CTDSP1: variants seen among roughly 807,000 people sequenced by gnomAD.
CTDSP1 encodes carboxy-terminal domain RNA polymerase II polypeptide A small phosphatase 1.
Under a neutral mutation model 32.5 loss-of-function variants are expected in CTDSP1, and 15 were observed. The ratio of observed to expected loss-of-function variants is 0.46; its 90% CI spans 0.31 to 0.71. CTDSP1 has a LOEUF of 0.71. Among genes scored for constraint, CTDSP1 ranks in the 30% least tolerant of loss-of-function variants. The pLI, the probability that CTDSP1 is intolerant of heterozygous loss-of-function variation, is 0.05. For synonymous variants in CTDSP1, 185 were observed against 145.4 expected, an observed-to-expected ratio of 1.27 and a Z score of -1.96; for missense variants, 294 against 351.1, an observed-to-expected ratio of 0.84 and a Z score of 1.30.
chr2:218,399,565 C>T (rs1359995200), upstream of CTDSP1: 4 of 193,462 alleles, frequency 2.1e-5, no homozygotes, highest in Non-Finnish European at 2.8e-5. Flanking sequence ...GCGCCGCACT[C>T]GGGCACTCCC....
intron 1 of CTDSP1, 56 bp downstream of exon 1, chr2:218,400,213 G>A (rs1380656929): frequency 4.8e-5 from 71 of 1,477,786 alleles, no homozygotes; most frequent in Non-Finnish European, 6.2e-5. Context: ...GGAGAGAAGG[G>A]GCCGGGATCT....
rs778867292 is a variant in CTDSP1, at chr2:218,402,125, A to G, written c.231A>G (p.Gln77=). The G allele has an allele frequency of 4.3e-6, 7 of 1,613,130 alleles. No homozygotes were observed. Among genetic ancestry groups the G allele is most frequent in the Admixed American group, 1.7e-5 (1 of 59,988 alleles). Residue 77 remains glutamine (Q), a synonymous_variant, in exon 3 of 7, where the codon CAA becomes CAG. Transcript: ENST00000273062. ...CCTCCCTACAGCAGACCCCAGTCCAATACCTGCTCCCTGAGGCCAAGGCCC... is the reference window on the plus strand; with the variant it reads ...CCTCCCTACAGCAGACCCCAGTCCAGTACCTGCTCCCTGAGGCCAAGGCCC... The part of the protein sequence containing the change: ...NGAIPKQTPV[Q]YLLPEAKAQD...
intron 6 of CTDSP1, 189 bp downstream of exon 6, chr2:218,403,606 C>T: frequency 5.4e-6 from 3 of 550,748 alleles, no homozygotes; most frequent in Middle Eastern, 4.8e-4. Context: ...ATGGTCTTTT[C>T]CCCTCGCACA....
chr2:218,396,473 C>A (rs1049616329), upstream of CTDSP1: 1 of 152,428 alleles, frequency 6.6e-6, no homozygotes, highest in Non-Finnish European at 1.5e-5. Flanking sequence ...CCCCCGATTT[C>A]CTGGGGACCC....
upstream of CTDSP1, chr2:218,396,407 G>A (rs991415122): frequency 2.0e-5 from 3 of 152,432 alleles, no homozygotes; most frequent in African/African-American, 7.2e-5. Flanking sequence ...AGCGAGGAGA[G>A]GCCAACAGGC....
chr2:218,404,494 A>G lies in CTDSP1; in HGVS notation c.*69A>G. On this transcript the variant is annotated 3_prime_UTR_variant, in exon 7 of 7. Coordinates refer to ENST00000273062, the MANE Select transcript of CTDSP1 (RefSeq NM_021198.3). ...ACACCTCCTCCCAGGAAGACTGCCC[A>G]GGCCTTTGTTAGGAAAACCCATGGG... The G allele has an allele frequency of 6.3e-7, 1 of 1,583,528 alleles. No individual in the cohort carries two copies. The highest frequency in any genetic ancestry group is 8.6e-7 in the Non-Finnish European group (1 of 1,162,168).
At chr2:218,403,196 C>T (rs1001828632) in intron 5 of CTDSP1, 36 bp from the exon 6 acceptor site, 6 of 1,611,642 alleles carry the variant, frequency 3.7e-6, no homozygotes, top group Non-Finnish European at 5.1e-6. Context: ...CCCAATGAAC[C>T]TGCGGGCCCC....
At chr2:218,399,793 A>C, upstream of CTDSP1, 1 of 1,096,592 alleles carries the variant, frequency 9.1e-7, no homozygotes, top group Non-Finnish European at 1.1e-6. Context: ...CGAAAGCCGC[A>C]GCCGAGTCCA....
rs544658266 is a variant in CTDSP1 at position 218,405,571 on chromosome 2, G to A, written c.*1146G>A. ...TTCTGTGGGGTTTGGGGATCTCCAGGAAGCCCGACCAAGCTGTCCCCTTCC... is the reference window on the plus strand; with the variant it reads ...TTCTGTGGGGTTTGGGGATCTCCAGAAAGCCCGACCAAGCTGTCCCCTTCC... On this transcript the variant is annotated 3_prime_UTR_variant, in exon 7 of 7. Transcript: ENST00000273062. 1.3e-5 allele frequency: 2 copies of A among 153,128 alleles called. No homozygotes were observed. Among genetic ancestry groups the A allele is most frequent in the Admixed American group, 6.5e-5 (1 of 15,308 alleles). The allele number at this position is 153,128 out of a possible 1,614,324, so 9.5% of individuals were successfully genotyped here. A position where few individuals can be genotyped will look rare whatever the true frequency, so the allele number is the denominator to read the frequency against.
At chr2:218,402,267 C>T (rs760684567) in intron 3 of CTDSP1, 52 bp downstream of exon 3, 1 of 1,610,248 alleles carries the variant, frequency 6.2e-7, no homozygotes, top group Non-Finnish European at 8.5e-7. Context: ...CATCCCCCAC[C>T]CTGGCCTGGG....
intron 1 of CTDSP1, 186 bp downstream of exon 1, chr2:218,400,343 G>T: frequency 1.4e-6 from 1 of 709,258 alleles, no homozygotes; most frequent in Non-Finnish European, 2.5e-6. Flanking sequence ...ACGCGGGGCG[G>T]GGCCTGGCGC....
chr2:218,397,602 C>A (rs552207733), upstream of CTDSP1, among the ~76,000 whole-genome samples: 7 of 152,318 alleles, frequency 4.6e-5, no homozygotes, highest in Middle Eastern at 3.4e-3. Flanking sequence ...TGCCCCTCCC[C>A]GTTTCTGACT....
intron 5 of CTDSP1, 49 bp from the exon 6 acceptor site, chr2:218,403,183 C>T (rs1697243004): frequency 1.2e-6 from 2 of 1,612,212 alleles, no homozygotes; most frequent in African/African-American, 1.3e-5. Flanking sequence ...CTCCCGCATG[C>T]AGCCCAATGA....
chr2:218,402,257 C>A, intron 3 of CTDSP1, 42 bp downstream of exon 3: 2 of 1,606,726 alleles, frequency 1.2e-6, no homozygotes, highest in South Asian at 2.2e-5. Flanking sequence ...TCTCGGGGGG[C>A]ATCCCCCACC....
chr2:218,400,929 C>G, intron 1 of CTDSP1: 1 of 455,290 alleles, frequency 2.2e-6, no homozygotes, highest in South Asian at 1.5e-5. Context: ...TCTGGCTGCC[C>G]CGGAACTGAG....
At chr2:218,404,172 T>C in intron 6 of CTDSP1, 125 bp from the exon 7 acceptor site, 2 of 1,197,858 alleles carry the variant, frequency 1.7e-6, no homozygotes, top group Non-Finnish European at 2.4e-6. Flanking sequence ...CAAAAAAGTT[T>C]GAACACTGTG....
intron 4 of CTDSP1, 150 bp from the exon 5 acceptor site, chr2:218,402,885 A>T: frequency 1.5e-6 from 1 of 673,516 alleles, no homozygotes; most frequent in Non-Finnish European, 2.7e-6. Flanking sequence ...CAGTTTCCCC[A>T]GCAGTGGTCA....
At chr2:218,398,497 T>C (rs959149399), upstream of CTDSP1, 5 of 1,459,528 alleles carry the variant, frequency 3.4e-6, no homozygotes, top group South Asian at 1.3e-5. Context: ...TCCCCGACAG[T>C]CCCCTCCCGC....
At chr2:218,399,859 T>A, upstream of CTDSP1, 1 of 1,236,494 alleles carries the variant, frequency 8.1e-7, no homozygotes, top group Non-Finnish European at 1.0e-6. Flanking sequence ...GCGCCTGGGT[T>A]CCATGTTTGC....
Sources: allele counts gnomAD v4.1 joint callset (sites outside exome capture counted in the v4.1 genomes callset), GRCh38; gene constraint gnomAD v4.1.1; transcripts MANE v1.5; gene names NCBI Gene and HGNC (gene_info 2026-07-23, HGNC 2026-07-21).